NR3C1: variants seen among roughly 807,000 people sequenced by gnomAD.
The protein encoded by NR3C1 is nuclear receptor subfamily 3 group C member 1.
In NR3C1, 14 loss-of-function variants were observed where a neutral mutation model predicts 74.0. The ratio of observed to expected loss-of-function variants is 0.19; its 90% CI spans 0.12 to 0.30. The LOEUF is 0.30. Among genes scored for constraint, NR3C1 ranks in the 10% least tolerant of loss-of-function variants. The probability of loss-of-function intolerance (pLI) is 1.00; values close to 1 mark genes in which losing one functional copy is unlikely to be tolerated. For missense variants in NR3C1, 695 were observed against 909.8 expected, an observed-to-expected ratio of 0.76 and a Z score of 3.04; for synonymous variants, 308 against 332.5, an observed-to-expected ratio of 0.93 and a Z score of 0.80.
chr5:143,387,146 AG>A (rs1284812946), intron 2 of NR3C1, among the ~76,000 whole-genome samples: 1 of 152,212 alleles, frequency 6.6e-6, no homozygotes, highest in Non-Finnish European at 1.5e-5. Flanking sequence ...TTGGCTTCTC[AG>A]GGAACAGAAA....
intron 2 of NR3C1, among the ~76,000 whole-genome samples, chr5:143,397,113 C>CA (rs1338411288): frequency 6.6e-6 from 1 of 151,642 alleles, no homozygotes; most frequent in Non-Finnish European, 1.5e-5. Context: ...TGTGATAATT[C>CA]AATGTTGTGG....
In NR3C1 at chr5:143,300,961, T is replaced by C. The variant is rs952721452; in HGVS notation, c.1469-198A>G. On this transcript the variant is annotated intron_variant, in intron 4 of 8. Transcript: ENST00000394464. The surrounding 1 kb of genome is among the most constrained non-coding windows in gnomAD (Gnocchi z 5.2). ...AAAGCAAAAGATCCAGAGGAACCTATTCCCAATTAATTTTGCCTACAAATA... is the reference window on the plus strand; with the variant it reads ...AAAGCAAAAGATCCAGAGGAACCTACTCCCAATTAATTTTGCCTACAAATA... Among the ~76,000 whole-genome samples the C allele has an allele frequency of 6.6e-6, 1 of 152,118 alleles. No individual in the cohort carries two copies. The highest frequency in any genetic ancestry group is 2.4e-5 in the African/African-American group (1 of 41,436).
At chr5:143,330,853 C>T (rs958427490) in intron 2 of NR3C1, among the ~76,000 whole-genome samples, 3 of 152,058 alleles carry the variant, frequency 2.0e-5, no homozygotes, top group East Asian at 1.9e-4. Context: ...TAGAAAGAAT[C>T]GATATTGTTA....
In NR3C1 at chr5:143,372,627, G is replaced by T. The variant is rs13360865; in HGVS notation, c.1184+27029C>A. ...ATAAATTTTGAAATCCTTTGCAAGGGTTCCCTGTGTTTTATCACAGCTGGT... is the reference window on the plus strand; with the variant it reads ...ATAAATTTTGAAATCCTTTGCAAGGTTTCCCTGTGTTTTATCACAGCTGGT... On this transcript the variant is annotated intron_variant, in intron 2 of 8. Coordinates refer to ENST00000394464, the MANE Select transcript of NR3C1 (RefSeq NM_000176.3). 4.3e-3 allele frequency among the ~76,000 whole-genome samples: 657 copies of T among 152,274 alleles called. 2 individuals are homozygous for T. The highest frequency in any genetic ancestry group is 0.015 in the African/African-American group (627 of 41,540).
At chr5:143,306,310 T>C (rs928010828) in intron 4 of NR3C1, among the ~76,000 whole-genome samples, 2 of 152,178 alleles carry the variant, frequency 1.3e-5, no homozygotes, top group African/African-American at 4.8e-5. Flanking sequence ...TCGAAACTGC[T>C]TGGCTTAGGG....
chr5:143,386,852 C>T (rs1837320295), intron 2 of NR3C1, among the ~76,000 whole-genome samples: 1 of 152,200 alleles, frequency 6.6e-6, no homozygotes, highest in South Asian at 2.1e-4. Context: ...TAACCCAAAT[C>T]CTCCAAAGGT....
chr5:143,414,601 C>T (rs983217903), intron 1 of NR3C1, among the ~76,000 whole-genome samples: 3 of 152,076 alleles, frequency 2.0e-5, no homozygotes, highest in Non-Finnish European at 2.9e-5. Context: ...ACGTGTGTTT[C>T]TGTTCATCAG....
chr5:143,377,836 G>T (rs1306975309), intron 2 of NR3C1, among the ~76,000 whole-genome samples: 1 of 152,218 alleles, frequency 6.6e-6, no homozygotes, highest in East Asian at 1.9e-4. Context: ...TGTAGGTTTT[G>T]CAAAAATGTA....
At chr5:143,307,831 G>A (rs1280092150) in intron 4 of NR3C1, among the ~76,000 whole-genome samples, 1 of 152,276 alleles carries the variant, frequency 6.6e-6, no homozygotes, top group East Asian at 1.9e-4. Context: ...CAGAGATCTG[G>A]TATCTAAGAA....
chr5:143,357,887 T>C (rs1356160231), intron 2 of NR3C1, among the ~76,000 whole-genome samples: 2 of 152,236 alleles, frequency 1.3e-5, no homozygotes, highest in African/African-American at 4.8e-5. Context: ...CCTTCTCTTA[T>C]ATATTTTAGA....
At chr5:143,399,575 CAT>C (rs1839852674) in intron 2 of NR3C1, 79 bp downstream of exon 2, 2 of 1,083,848 alleles carry the variant, frequency 1.8e-6, no homozygotes, top group African/African-American at 3.1e-5. Flanking sequence ...TTAGAGAACA[CAT>C]ATAAATCAAT....
Position 143,433,452 on chromosome 5 carries a change from T to TTTTA in NR3C1, c.-14+1079_-14+1080insTAAA, listed in dbSNP as rs144498485. Among the ~76,000 whole-genome samples, 373 of 119,692 alleles carry TTTTA rather than the reference T, an allele frequency of 3.1e-3. 4 individuals carry two copies. The highest frequency in any genetic ancestry group is 0.011 in the African/African-American group (359 of 31,480). 78.5% of individuals were successfully genotyped at this position (119,692 alleles called of 152,430 possible). A position where few individuals can be genotyped will look rare whatever the true frequency, so the allele number is the denominator to read the frequency against. On this transcript the variant is annotated intron_variant, in intron 1 of 8. Coordinates refer to the NR3C1 transcript ENST00000343796. ...TATATATATAATTTATTTATTTAAA[T>TTTTA]TATATATATATATATATATTTAATT...
At chr5:143,365,107 TAG>T (rs1249139854) in intron 2 of NR3C1, among the ~76,000 whole-genome samples, 1 of 150,252 alleles carries the variant, frequency 6.7e-6, no homozygotes, top group East Asian at 1.9e-4. Context: ...ATCGTTACAC[TAG>T]AAAATATGTA....
At chr5:143,378,107 C>G (rs928844876) in intron 2 of NR3C1, among the ~76,000 whole-genome samples, 1 of 151,920 alleles carries the variant, frequency 6.6e-6, no homozygotes, top group Non-Finnish European at 1.5e-5. Flanking sequence ...AAAAATTAGC[C>G]AAGGATGGTG....
chr5:143,364,066 T>C (rs1832756028), intron 2 of NR3C1, among the ~76,000 whole-genome samples: 1 of 151,986 alleles, frequency 6.6e-6, no homozygotes, highest in Non-Finnish European at 1.5e-5. Flanking sequence ...TAGAACAGAC[T>C]AATAAAGTAC....
At chr5:143,407,783 T>C (rs1841163324), upstream of NR3C1, among the ~76,000 whole-genome samples, 1 of 152,180 alleles carries the variant, frequency 6.6e-6, no homozygotes, top group East Asian at 1.9e-4. Flanking sequence ...ACTAAAATAA[T>C]CCAAGCTGTA....
chr5:143,321,294 AT>A (rs1823315721), intron 2 of NR3C1, among the ~76,000 whole-genome samples: 1 of 152,194 alleles, frequency 6.6e-6, no homozygotes, highest in Non-Finnish European at 1.5e-5. Context: ...TTAAAGAGAG[AT>A]TTGAATTTCT....
intron 1 of NR3C1, among the ~76,000 whole-genome samples, chr5:143,409,982 T>G (rs1441737444): frequency 6.6e-6 from 1 of 152,210 alleles, no homozygotes; most frequent in Non-Finnish European, 1.5e-5. Flanking sequence ...CAGAACTTAG[T>G]TTAAGCAATA....
intron 7 of NR3C1, chr5:143,295,007 C>T: frequency 1.0e-6 from 1 of 985,406 alleles, no homozygotes; most frequent in Non-Finnish European, 1.2e-6. Context: ...CTATGTTAAC[C>T]AATCCCCAAT....
Sources: gnomAD v4.1 joint callset for allele counts (sites outside exome capture counted in the v4.1 genomes callset) on GRCh38, gnomAD v4.1.1 for gene constraint, Gnocchi (gnomAD v3.1) non-coding constraint, MANE v1.5 for transcripts, NCBI Gene and HGNC (gene_info 2026-07-23, HGNC 2026-07-21) for gene names.